The following SPG11 variants were observed in gnomAD, a reference collection of about 807,000 sequenced individuals.
The protein encoded by SPG11 is SPG11 vesicle trafficking associated, spatacsin.
A neutral mutation model predicts 274.0 loss-of-function variants in SPG11; 222 were observed. The observed-to-expected ratio is 0.81, with a 90% CI of 0.73 to 0.91. The LOEUF (loss-of-function observed/expected upper bound fraction) is 0.91. Among genes scored for constraint, SPG11 ranks in the 40% least tolerant of loss-of-function variants. SPG11 has a pLI of 0.00. For synonymous variants in SPG11, 1,144 were observed against 1,039.7 expected, an observed-to-expected ratio of 1.10 and a Z score of -1.93; for missense variants, 3,114 against 2,872.7, an observed-to-expected ratio of 1.08 and a Z score of -1.92.
chr15:44,599,228 A>T (rs964096117), intron 21 of SPG11, among the ~76,000 whole-genome samples: 1 of 152,226 alleles, frequency 6.6e-6, no homozygotes. Context: ...AAGCACATTT[A>T]AAAAAACTCA....
intron 8 of SPG11, among the ~76,000 whole-genome samples, chr15:44,630,772 G>A (rs919919294): frequency 1.3e-5 from 2 of 152,058 alleles, no homozygotes; most frequent in Non-Finnish European, 2.9e-5. Context: ...TAGAAATGGG[G>A]TTTCACCACG....
intron 7 of SPG11, among the ~76,000 whole-genome samples, chr15:44,644,661 A>G (rs1248658494): frequency 6.6e-6 from 1 of 152,194 alleles, no homozygotes; most frequent in Non-Finnish European, 1.5e-5. Flanking sequence ...ACATGATTCT[A>G]TACCTAGAAC....
At chr15:44,640,394 A>G (rs1250157035) in intron 7 of SPG11, among the ~76,000 whole-genome samples, 1 of 152,182 alleles carries the variant, frequency 6.6e-6, no homozygotes, top group Non-Finnish European at 1.5e-5. Flanking sequence ...GACAAGAAAG[A>G]CTATGGATAT....
chr15:44,598,235 GAA>G (rs2083093304), intron 23 of SPG11, 28 bp downstream of exon 23: 1 of 1,551,630 alleles, frequency 6.4e-7, no homozygotes, highest in South Asian at 1.1e-5. Flanking sequence ...AAGCTTGTTA[GAA>G]AAGAGGCTGA....
At chr15:44,652,938 A>G (rs897923499) in intron 4 of SPG11, among the ~76,000 whole-genome samples, 1 of 152,146 alleles carries the variant, frequency 6.6e-6, no homozygotes, top group Non-Finnish European at 1.5e-5. Context: ...AAAATCACTC[A>G]TTATACTGCC....
intron 15 of SPG11, 43 bp from the exon 16 acceptor site, chr15:44,615,609 G>A: frequency 6.4e-7 from 1 of 1,572,380 alleles, no homozygotes; most frequent in East Asian, 2.2e-5. Flanking sequence ...AAGTTGCTAT[G>A]TTCAGAGTAG....
chr15:44,620,149 T>C (rs2083700818), intron 15 of SPG11, 41 bp downstream of exon 15: 1 of 1,482,672 alleles, frequency 6.7e-7, no homozygotes. Flanking sequence ...GCTCTTCCCT[T>C]GTATTCTTCC....
chr15:44,630,746 A>G (rs1035631785), intron 8 of SPG11, among the ~76,000 whole-genome samples: 3 of 152,024 alleles, frequency 2.0e-5, no homozygotes, highest in African/African-American at 4.8e-5. Flanking sequence ...CACATGGCTA[A>G]TTTTTGTATT....
chr15:44,662,050 G>C (rs958574727), intron 1 of SPG11, among the ~76,000 whole-genome samples: 2 of 151,956 alleles, frequency 1.3e-5, no homozygotes, highest in African/African-American at 4.8e-5. Flanking sequence ...TAAAGATTTC[G>C]GCTTTTCTTT....
rs929535645 is a variant in SPG11, at chr15:44,659,421, A to C, written c.443-118T>G. 1.9e-4 allele frequency: 169 copies of C among 892,636 alleles called. 4 individuals are homozygous for C. In the South Asian group the frequency reaches 2.4e-3, roughly 13 times the overall value. 55.3% of individuals were successfully genotyped at this position (892,636 alleles called of 1,614,324 possible). On this transcript the variant is annotated intron_variant, in intron 2 of 39. Coordinates refer to ENST00000261866, the MANE Select transcript of SPG11 (RefSeq NM_025137.4). ...CAAAAAAGGAACTGGACTTAGTCTA[A>C]CTTTACGCAGTTATCGTTCACACCC...
At position 44,573,614 on chromosome 15, in the gene SPG11, T is replaced by C. The variant is rs1298601895; in HGVS notation, c.6138A>G (p.Pro2046=). ...CTGCCACGAGTTCAGCCACAGTATC[T>C]GGCTTAAGGCCCTGTGTGCTGATGA... ...QAFISTQGLK[P]DTVAELVAEE... is the part of the protein sequence containing the mutation. The change falls in exon 32 of 40, where the codon CCA becomes CCG. Residue 2046 remains proline (P), a synonymous_variant. Coordinates refer to ENST00000261866, the MANE Select transcript of SPG11 (RefSeq NM_025137.4). 3.7e-6 allele frequency: 6 copies of C among 1,614,210 alleles called. No homozygotes were observed. The South Asian group carries it at 5.5e-5, about 15-fold the overall frequency.
At chr15:44,563,896 G>A (rs1005065521) in intron 39 of SPG11, among the ~76,000 whole-genome samples, 1 of 152,192 alleles carries the variant, frequency 6.6e-6, no homozygotes, top group Non-Finnish European at 1.5e-5. Context: ...ACTAGTATTA[G>A]GGGTGCTTGA....
At position 44,595,333 on chromosome 15, in the gene SPG11, A is replaced by G. The variant is rs748236366; in HGVS notation, c.4561T>C (p.Ser1521Pro). 6.8e-6 allele frequency: 11 copies of G among 1,614,116 alleles called. No homozygotes were observed. Among genetic ancestry groups the G allele is most frequent in the Middle Eastern group, 1.6e-4 (1 of 6,084 alleles). ...EDHTWNLEDL[S>P]VIWRTLLTRQ... Reference sequence around the variant, plus strand: ...GTTAATAATGTTCTCCAGATGACTGAAAGATCCTCAAGGTTCCAGGTATGG... The same window carrying G: ...GTTAATAATGTTCTCCAGATGACTGGAAGATCCTCAAGGTTCCAGGTATGG... Residue 1521 changes from serine (S) to proline (P), a missense_variant, in exon 26 of 40, where the codon TCA becomes CCA. Ser to Pro is a moderately conservative substitution (Grantham distance 74, BLOSUM62 -1). Coordinates refer to ENST00000261866, the MANE Select transcript of SPG11 (RefSeq NM_025137.4).
rs1390966385 is a variant in SPG11, at chr15:44,566,188, G to A, written c.6843+29C>T. 1.9e-6 allele frequency: 3 copies of A among 1,611,432 alleles called. No homozygotes were observed. The African/African-American group carries it at 4.0e-5, about 22-fold the overall frequency. ...TTTTACTGCAGACAGCAAGTCCCAA[G>A]GCCAGTCTGAAAAAAGCCTTTGGGT... is the stretch of plus-strand genomic sequence containing the variant. On this transcript the variant is annotated intron_variant, in intron 37 of 39. Coordinates refer to ENST00000261866, the MANE Select transcript of SPG11 (RefSeq NM_025137.4).
chr15:44,659,016 G>T (rs977232682), intron 3 of SPG11, 63 bp downstream of exon 3: 3 of 1,498,364 alleles, frequency 2.0e-6, no homozygotes, highest in Non-Finnish European at 1.9e-6. Flanking sequence ...GCCTAAAAAG[G>T]CTCATCTTTA....
At chr15:44,649,088 T>G (rs1296201615) in intron 6 of SPG11, 77 bp from the exon 7 acceptor site, 1 of 1,079,674 alleles carries the variant, frequency 9.3e-7, no homozygotes, top group Non-Finnish European at 1.4e-6. Flanking sequence ...GATTTTTAAT[T>G]ACTCAATACT....
At chr15:44,573,097 C>G (rs1020441933) in intron 32 of SPG11, among the ~76,000 whole-genome samples, 1 of 150,840 alleles carries the variant, frequency 6.6e-6, no homozygotes, top group African/African-American at 2.4e-5. Flanking sequence ...AACGATTCTC[C>G]TGCCTCAGCC....
intron 28 of SPG11, 62 bp from the exon 29 acceptor site, chr15:44,585,912 G>C (rs1289582970): frequency 1.5e-6 from 2 of 1,343,974 alleles, no homozygotes. Context: ...AGCATTTCAA[G>C]AGTAATACAT....
At chr15:44,662,334 CATCTT>C (rs1357302630) in intron 1 of SPG11, among the ~76,000 whole-genome samples, 2 of 152,050 alleles carry the variant, frequency 1.3e-5, no homozygotes, top group South Asian at 2.1e-4. Flanking sequence ...TTTGGCTACT[CATCTT>C]AAAGAAAGAG....
Sources: gnomAD v4.1 joint callset for allele counts (sites outside exome capture counted in the v4.1 genomes callset) on GRCh38, gnomAD v4.1.1 for gene constraint, MANE v1.5 for transcripts, NCBI Gene and HGNC (gene_info 2026-07-23, HGNC 2026-07-21) for gene names.